Variants in CNTNAP2 observed in about 807,000 individuals in gnomAD.
The protein encoded by CNTNAP2 is contactin associated protein 2.
CNTNAP2 carries 98 observed loss-of-function variants against 155.2 expected under a neutral mutation model. The observed-to-expected ratio is 0.63, with a 90% CI of 0.54 to 0.75. The LOEUF is 0.75. Ranked by LOEUF, CNTNAP2 falls within the 30% of genes least tolerant of loss-of-function variation. The pLI, the probability that CNTNAP2 is intolerant of heterozygous loss-of-function variation, is 0.00. For missense variants in CNTNAP2, 1,727 were observed against 1,688.1 expected (o/e 1.02, Z -0.40); for synonymous variants, 651 against 631.2 (o/e 1.03, Z -0.47).
At chr7:146,197,031 G>A (rs1798786878) in intron 1 of CNTNAP2, among the ~76,000 whole-genome samples, 1 of 151,876 alleles carries the variant, frequency 6.6e-6, no homozygotes, top group Admixed American at 6.6e-5. Flanking sequence ...TCTCTGTTTT[G>A]AAGATGGTCT....
chr7:146,926,273 C>T (rs917491069), intron 3 of CNTNAP2, among the ~76,000 whole-genome samples: 1 of 151,544 alleles, frequency 6.6e-6, no homozygotes, highest in Non-Finnish European at 1.5e-5. Context: ...GTGTGTGATT[C>T]ATTGACAATA....
chr7:147,492,997 A>G (rs1798636446), intron 11 of CNTNAP2, among the ~76,000 whole-genome samples: 1 of 152,298 alleles, frequency 6.6e-6, no homozygotes, highest in South Asian at 2.1e-4. Flanking sequence ...AACTTAAAGT[A>G]TAATAAAAAA....
chr7:147,135,619 C>T (rs1426505634), intron 8 of CNTNAP2, among the ~76,000 whole-genome samples: 1 of 151,472 alleles, frequency 6.6e-6, no homozygotes, highest in African/African-American at 2.4e-5. Context: ...GAAGGTGGAC[C>T]TAGAACCATG....
In CNTNAP2 at chr7:146,572,458, A is replaced by C. The variant is rs56855008; in HGVS notation, c.98-201813A>C. On this transcript the variant is annotated intron_variant, in intron 1 of 23. Coordinates refer to ENST00000361727, the MANE Select transcript of CNTNAP2 (RefSeq NM_014141.6). ...CTTCATTTTCTTTACTTGATCTTTC[A>C]TAATGGGTTACATTGCTATTAACCA... 8.6e-3 allele frequency among the ~76,000 whole-genome samples: 1,310 copies of C among 152,188 alleles called. 12 individuals are homozygous for C. The highest frequency in any genetic ancestry group is 0.03 in the African/African-American group (1,243 of 41,520).
intron 21 of CNTNAP2, among the ~76,000 whole-genome samples, chr7:148,311,639 G>A (rs1465616931): frequency 6.6e-6 from 1 of 152,148 alleles, no homozygotes; most frequent in Non-Finnish European, 1.5e-5. Context: ...AATCCCTGAA[G>A]AGTAGCAGAA....
chr7:146,622,194 T>C (rs1403077727), intron 1 of CNTNAP2, among the ~76,000 whole-genome samples: 1 of 147,294 alleles, frequency 6.8e-6, no homozygotes, highest in African/African-American at 2.6e-5. Flanking sequence ...CATATATACA[T>C]ATATATACAC....
chr7:148,346,725 C>A (rs1798333054), intron 21 of CNTNAP2, among the ~76,000 whole-genome samples: 1 of 150,188 alleles, frequency 6.7e-6, no homozygotes, highest in Non-Finnish European at 1.5e-5. Context: ...TTAGCCAAGA[C>A]CGAGCCATTG....
chr7:148,082,512 C>T (rs562370348), intron 15 of CNTNAP2, among the ~76,000 whole-genome samples: 77 of 152,072 alleles, frequency 5.1e-4, no homozygotes, highest in Middle Eastern at 3.4e-3. Context: ...TGGTCAGAGA[C>T]GCAAAAGGCA....
intron 12 of CNTNAP2, among the ~76,000 whole-genome samples, chr7:147,599,326 A>G (rs1327297025): frequency 1.3e-5 from 2 of 151,748 alleles, no homozygotes; most frequent in Non-Finnish European, 2.9e-5. Context: ...AAAAAATAAA[A>G]TAAAAATTAA....
intron 1 of CNTNAP2, among the ~76,000 whole-genome samples, chr7:146,312,203 G>A (rs1364311755): frequency 6.6e-6 from 1 of 152,134 alleles, no homozygotes; most frequent in Admixed American, 6.6e-5. Flanking sequence ...GGAACTTCCT[G>A]AATTTTCTAA....
intron 2 of CNTNAP2, among the ~76,000 whole-genome samples, chr7:146,815,051 A>G (rs1338170195): frequency 6.6e-6 from 1 of 152,208 alleles, no homozygotes; most frequent in Non-Finnish European, 1.5e-5. Context: ...TCTTCAATTT[A>G]GAGTTTATTT....
intron 13 of CNTNAP2, among the ~76,000 whole-genome samples, chr7:147,661,106 C>G (rs1795602128): frequency 6.6e-6 from 1 of 152,090 alleles, no homozygotes; most frequent in Non-Finnish European, 1.5e-5. Flanking sequence ...GGGCCCTTTA[C>G]CTATAATATG....
At chr7:147,938,744 C>A (rs183879084) in intron 14 of CNTNAP2, among the ~76,000 whole-genome samples, 6 of 152,176 alleles carry the variant, frequency 3.9e-5, no homozygotes, top group Admixed American at 3.3e-4. Flanking sequence ...TGTGAATCTG[C>A]TCAAATTCCA....
intron 18 of CNTNAP2, among the ~76,000 whole-genome samples, chr7:148,193,548 A>C (rs1344927394): frequency 1.3e-5 from 2 of 152,162 alleles, no homozygotes; most frequent in African/African-American, 4.8e-5. Flanking sequence ...GAAAGTCATA[A>C]TGTGGCCCTG....
intron 17 of CNTNAP2, among the ~76,000 whole-genome samples, chr7:148,150,296 C>G (rs899007734): frequency 2.0e-5 from 3 of 152,044 alleles, no homozygotes; most frequent in Non-Finnish European, 4.4e-5. Flanking sequence ...CGCCCGTAAT[C>G]CCAGCACTTT....
At chr7:148,133,108 A>T (rs1804866980) in intron 16 of CNTNAP2, among the ~76,000 whole-genome samples, 1 of 152,192 alleles carries the variant, frequency 6.6e-6, no homozygotes. Flanking sequence ...CTTCTTTAAA[A>T]ATAAGATAAG....
At position 147,810,601 on chromosome 7, in the gene CNTNAP2, A is replaced by G. The variant is rs1196684504; in HGVS notation, c.2099-92964A>G. On this transcript the variant is annotated intron_variant, in intron 13 of 23. Transcript: ENST00000361727. The stretch of plus-strand genomic sequence containing the variant: ...ATACTTGCTGATTCAATACAGGTAG[A>G]AAGTTTAATATTAATTTTTATTTTG... 3.9e-5 allele frequency among the ~76,000 whole-genome samples: 6 copies of G among 152,196 alleles called. 1 individual carries two copies. The East Asian group carries it at 5.8e-4, about 15-fold the overall frequency.
intron 8 of CNTNAP2, among the ~76,000 whole-genome samples, chr7:147,266,650 G>A (rs1193107383): frequency 6.6e-6 from 1 of 152,104 alleles, no homozygotes; most frequent in Non-Finnish European, 1.5e-5. Context: ...ATCTATTATT[G>A]CAGTGAATAA....
chr7:147,720,392 C>CT (rs1796546763), intron 13 of CNTNAP2, among the ~76,000 whole-genome samples: 1 of 152,088 alleles, frequency 6.6e-6, no homozygotes, highest in South Asian at 2.1e-4. Context: ...TGTTGAGGAT[C>CT]ACCAAACAAG....
Sources: allele counts gnomAD v4.1 joint callset (sites outside exome capture counted in the v4.1 genomes callset), GRCh38; gene constraint gnomAD v4.1.1; transcripts MANE v1.5; gene names NCBI Gene and HGNC (gene_info 2026-07-23, HGNC 2026-07-21).